Variants in RANBP2 observed in about 807,000 individuals in gnomAD.
RANBP2 encodes RAN binding protein 2.
In RANBP2, 57 loss-of-function variants were observed where a neutral mutation model predicts 303.6. The observed-to-expected ratio is 0.19, with a 90% CI of 0.15 to 0.23. RANBP2 has a LOEUF of 0.23. RANBP2 is among the 10% of genes least tolerant of loss of function. RANBP2 has a pLI of 1.00. For missense variants in RANBP2, 3,138 were observed against 3,780.8 expected (o/e 0.83, Z 4.46); for synonymous variants, 1,167 against 1,301.5 (o/e 0.90, Z 2.23).
At chr2:109,138,628 T>C in the RANBP2 span, among the ~76,000 whole-genome samples, 1 of 152,204 alleles carries the variant, frequency 6.6e-6, no homozygotes, top group African/African-American at 2.4e-5. Context: ...TTCCTGTTCA[T>C]CTGCAGTGAG....
chr2:109,447,425 A>G, the RANBP2 span, among the ~76,000 whole-genome samples: 2 of 152,178 alleles, frequency 1.3e-5, no homozygotes, highest in Admixed American at 1.3e-4. Context: ...TTGGGGGCTG[A>G]GAAGATTGTT....
At chr2:109,490,465 G>A in the RANBP2 span, 22 of 706,370 alleles carry the variant, frequency 3.1e-5, no homozygotes, top group Non-Finnish European at 4.2e-5. Context: ...CTGTTGCTGT[G>A]AGTGGTAAAG....
chr2:109,345,643 ATC>A, the RANBP2 span, among the ~76,000 whole-genome samples: 683 of 152,360 alleles, frequency 4.5e-3, 6 homozygotes, highest in African/African-American at 0.016. Context: ...CTTGATGGAT[ATC>A]TAAGTGTCTC....
At chr2:109,661,077 G>A in the RANBP2 span, among the ~76,000 whole-genome samples, 1 of 152,106 alleles carries the variant, frequency 6.6e-6, no homozygotes, top group East Asian at 1.9e-4. Context: ...TGTATTTCCT[G>A]CTCAGCTAAA....
At chr2:109,155,502 G>A in the RANBP2 span, among the ~76,000 whole-genome samples, 1 of 151,944 alleles carries the variant, frequency 6.6e-6, no homozygotes, top group Admixed American at 6.6e-5. Context: ...GGGGTTTCAC[G>A]GTGTTAGCCA....
intron 23 of RANBP2, among the ~76,000 whole-genome samples, chr2:108,774,077 T>A (rs528264770): frequency 6.6e-5 from 10 of 152,356 alleles, no homozygotes; most frequent in Admixed American, 3.9e-4. Flanking sequence ...TTGTCAAAAA[T>A]TTTTAACTAT....
the RANBP2 span, among the ~76,000 whole-genome samples, chr2:109,172,131 TG>T: frequency 6.6e-6 from 1 of 152,116 alleles, no homozygotes; most frequent in African/African-American, 2.4e-5. Context: ...GCAGAGCGGG[TG>T]GGGAGCAGGT....
At chr2:108,737,268 C>G (rs1695663865) in intron 6 of RANBP2, among the ~76,000 whole-genome samples, 1 of 150,680 alleles carries the variant, frequency 6.6e-6, no homozygotes. Flanking sequence ...TCACAAGTTC[C>G]TTTTACATTT....
the RANBP2 span, among the ~76,000 whole-genome samples, chr2:109,669,245 A>G: frequency 3.9e-5 from 6 of 152,228 alleles, no homozygotes; most frequent in Admixed American, 3.9e-4. Flanking sequence ...CATTGTGGAA[A>G]CACTCCAAGA....
the RANBP2 span, among the ~76,000 whole-genome samples, chr2:109,111,497 CTCTGAG>C: frequency 3.3e-5 from 5 of 152,204 alleles, no homozygotes; most frequent in East Asian, 9.7e-4. Context: ...GCCACACTGA[CTCTGAG>C]TCTCATTCAT....
chr2:109,616,094 G>A, the RANBP2 span: 2 of 1,475,364 alleles, frequency 1.4e-6, no homozygotes, highest in Non-Finnish European at 9.0e-7. Flanking sequence ...AAAATGCAAA[G>A]GTTTATTTGT....
At chr2:109,551,622 C>G in the RANBP2 span, among the ~76,000 whole-genome samples, 2 of 152,186 alleles carry the variant, frequency 1.3e-5, no homozygotes, top group African/African-American at 4.8e-5. Context: ...GTATCCTATA[C>G]TTTCACTTTT....
chr2:109,066,949 G>C, the RANBP2 span, among the ~76,000 whole-genome samples: 1 of 152,120 alleles, frequency 6.6e-6, no homozygotes, highest in African/African-American at 2.4e-5. Context: ...TCAACACGTT[G>C]ATACTCCATT....
the RANBP2 span, among the ~76,000 whole-genome samples, chr2:109,560,064 G>C: frequency 2.0e-5 from 3 of 151,990 alleles, no homozygotes; most frequent in Admixed American, 6.6e-5. Flanking sequence ...GGGACTACAG[G>C]TGCCCGCCAC....
the RANBP2 span, among the ~76,000 whole-genome samples, chr2:109,073,001 A>G: frequency 4.6e-5 from 7 of 152,208 alleles, no homozygotes; most frequent in African/African-American, 1.7e-4. Context: ...TCAAATGTGC[A>G]GAAACCAACA....
the RANBP2 span, among the ~76,000 whole-genome samples, chr2:109,398,059 C>A: frequency 6.6e-6 from 1 of 152,212 alleles, no homozygotes; most frequent in Non-Finnish European, 1.5e-5. Flanking sequence ...AAAAGAGCTT[C>A]TGTGGTTTAT....
the RANBP2 span, among the ~76,000 whole-genome samples, chr2:108,970,497 G>C: frequency 4.6e-5 from 7 of 152,124 alleles, no homozygotes; most frequent in African/African-American, 7.2e-5. Context: ...ACACTGAGTG[G>C]AGATGGTCTG....
At chr2:108,754,516 C>T (rs1044704518) in intron 15 of RANBP2, among the ~76,000 whole-genome samples, 1 of 149,520 alleles carries the variant, frequency 6.7e-6, no homozygotes, top group African/African-American at 2.5e-5. Context: ...ATCTGTATTT[C>T]TGTCACCATT....
the RANBP2 span, among the ~76,000 whole-genome samples, chr2:109,602,338 T>C: frequency 3.9e-5 from 6 of 152,302 alleles, no homozygotes; most frequent in African/African-American, 9.6e-5. Context: ...TTGCATCTTA[T>C]TGATGTGAAA....
Sources: gnomAD v4.1 joint callset for allele counts (sites outside exome capture counted in the v4.1 genomes callset) on GRCh38, gnomAD v4.1.1 for gene constraint, MANE v1.5 for transcripts, NCBI Gene and HGNC (gene_info 2026-07-23, HGNC 2026-07-21) for gene names.